Variants in SLC22A4 observed in about 807,000 individuals in gnomAD.
SLC22A4 encodes the protein solute carrier family 22 member 4, also known as ET transporter.
SLC22A4 carries 39 observed loss-of-function variants against 56.6 expected under a neutral mutation model. That is an observed-to-expected ratio of 0.69 (90% CI 0.53 to 0.90). The LOEUF (loss-of-function observed/expected upper bound fraction) is 0.90, where lower values mean the gene tolerates loss of function less well. Ranked by LOEUF, SLC22A4 falls within the 40% of genes least tolerant of loss-of-function variation. The probability of loss-of-function intolerance (pLI) is 0.00; values close to 1 mark genes in which losing one functional copy is unlikely to be tolerated. For missense variants in SLC22A4, 594 were observed against 696.5 expected, an observed-to-expected ratio of 0.85 and a Z score of 1.66; for synonymous variants, 241 against 281.4, an observed-to-expected ratio of 0.86 and a Z score of 1.44.
chr5:132,316,357 G>A (rs1199292952), intron 3 of SLC22A4, among the ~76,000 whole-genome samples: 1 of 152,112 alleles, frequency 6.6e-6, no homozygotes, highest in Non-Finnish European at 1.5e-5. Flanking sequence ...CCGGAATGAT[G>A]CTGGTTTAGG....
At chr5:132,326,296 C>A (rs115117902) in intron 4 of SLC22A4, among the ~76,000 whole-genome samples, 3,302 of 152,278 alleles carry the variant, frequency 0.022, 122 homozygotes, top group African/African-American at 0.076. Flanking sequence ...CATTAGCCTA[C>A]AATTGGGCAA....
chr5:132,328,082 GATAAAGA>G (rs1750732704), intron 5 of SLC22A4, among the ~76,000 whole-genome samples: 2 of 152,276 alleles, frequency 1.3e-5, no homozygotes, highest in African/African-American at 4.8e-5. Context: ...TAGATAAAAA[GATAAAGA>G]ATGGCATAAG....
chr5:132,299,785 T>C (rs1749870573), intron 1 of SLC22A4, among the ~76,000 whole-genome samples: 1 of 152,198 alleles, frequency 6.6e-6, no homozygotes, highest in Non-Finnish European at 1.5e-5. Flanking sequence ...GAAATAACTT[T>C]TGATTTAGAG....
At chr5:132,301,473 G>C (rs1749905640) in intron 1 of SLC22A4, among the ~76,000 whole-genome samples, 1 of 152,188 alleles carries the variant, frequency 6.6e-6, no homozygotes, top group African/African-American at 2.4e-5. Flanking sequence ...ACTGGTAGTG[G>C]AGTTGATGGA....
chr5:132,297,158 A>C (rs1413628869), intron 1 of SLC22A4, among the ~76,000 whole-genome samples: 1 of 152,122 alleles, frequency 6.6e-6, no homozygotes, highest in Admixed American at 6.5e-5. Context: ...TCTCTACTAA[A>C]AATACAAAAA....
In SLC22A4 at chr5:132,337,423, C is replaced by T. The variant is rs369490788; in HGVS notation, c.1444+1423C>T. On this transcript the variant is annotated intron_variant, in intron 8 of 9. Coordinates refer to ENST00000200652, the MANE Select transcript of SLC22A4 (RefSeq NM_003059.3). ...AACTAGCTGGAACTACAGGCATGCA[C>T]ACCGTCAAGCCCAGCTAATTTTTTT... Among the ~76,000 whole-genome samples, 15 of 151,726 alleles carry T rather than the reference C, an allele frequency of 9.9e-5. No individual in the cohort carries two copies. The East Asian group carries it at 1.2e-3, about 12-fold the overall frequency.
chr5:132,324,318 G>A, intron 4 of SLC22A4: 1 of 345,396 alleles, frequency 2.9e-6, no homozygotes, highest in South Asian at 2.2e-5. Flanking sequence ...TTTGCCTCGG[G>A]ACCATATGTC....
At chr5:132,327,552 A>G in intron 5 of SLC22A4, 149 bp downstream of exon 5, 1 of 657,558 alleles carries the variant, frequency 1.5e-6, no homozygotes, top group Non-Finnish European at 2.7e-6. Flanking sequence ...ATTCTAAGAT[A>G]AAATCCACCT....
At chr5:132,309,076 C>A (rs573902858) in intron 1 of SLC22A4, among the ~76,000 whole-genome samples, 22 of 152,316 alleles carry the variant, frequency 1.4e-4, no homozygotes, top group Middle Eastern at 3.4e-3. Flanking sequence ...CTAGCGGAGA[C>A]CCAAGACATA....
Position 132,294,694 on chromosome 5 carries a change from C to A in SLC22A4, c.78C>A (p.Ser26Arg). ...AGCGCCTCATCTTCTTCCTGCTCAG[C>A]GCCAGCATCATCCCCAATGGCTTCA... is the stretch of plus-strand genomic sequence containing the variant. ...PFQRLIFFLL[S>R]ASIIPNGFNG... is the part of the protein sequence containing the mutation. Residue 26 changes from serine to arginine, a missense_variant, in exon 1 of 10, where the codon AGC becomes AGA. Ser to Arg is a moderately radical substitution (Grantham distance 110). Coordinates refer to ENST00000200652, the MANE Select transcript of SLC22A4 (RefSeq NM_003059.3). The surrounding 1 kb of genome is among the most constrained non-coding windows in gnomAD (Gnocchi z 5.6). 3.1e-6 allele frequency: 5 copies of A among 1,614,200 alleles called. No individual in the cohort carries two copies. Among genetic ancestry groups the A allele is most frequent in the Non-Finnish European group, 4.2e-6 (5 of 1,180,046 alleles).
intron 8 of SLC22A4, among the ~76,000 whole-genome samples, chr5:132,338,456 G>C (rs1751092146): frequency 6.6e-6 from 1 of 152,128 alleles, no homozygotes; most frequent in Non-Finnish European, 1.5e-5. Context: ...CAGGAAACAG[G>C]GTTTGAGAGC....
At chr5:132,339,131 C>T (rs190267863) in intron 8 of SLC22A4, among the ~76,000 whole-genome samples, 21 of 152,342 alleles carry the variant, frequency 1.4e-4, no homozygotes, top group African/African-American at 3.8e-4. Flanking sequence ...TCCCTCCTTT[C>T]GGGGTCCCTA....
chr5:132,294,824 C>A lies in SLC22A4; in HGVS notation c.208C>A (p.Arg70=). 1 of 1,611,180 alleles carries A rather than the reference C, an allele frequency of 6.2e-7. No homozygotes were observed. Among genetic ancestry groups the A allele is most frequent in the Non-Finnish European group, 8.5e-7 (1 of 1,179,208 alleles). Residue 70 remains arginine (R), a synonymous_variant, in exon 1 of 10, where the codon CGG becomes AGG. Coordinates refer to ENST00000200652, the MANE Select transcript of SLC22A4 (RefSeq NM_003059.3). This position sits in a 1 kb window ranked among gnomAD's most constrained non-coding sequence, Gnocchi z 5.6. ...SAWRNNSVPL[R]LRDGREVPHS... ...CTGGCGCAACAACAGTGTCCCGCTG[C>A]GGCTGCGGGACGGCCGCGAGGTGCC...
intron 1 of SLC22A4, chr5:132,295,331 C>G (rs777149972): frequency 2.6e-5 from 15 of 575,876 alleles, no homozygotes; most frequent in Non-Finnish European, 4.7e-5. Context: ...CCAGGCTACC[C>G]AGACGCACTG....
intron 6 of SLC22A4, 84 bp downstream of exon 6, chr5:132,331,934 A>C: frequency 6.8e-6 from 6 of 887,244 alleles, no homozygotes; most frequent in East Asian, 2.4e-5. Flanking sequence ...ACATTATGAC[A>C]ACGACTGGGT....
chr5:132,327,190 ATT>A, intron 4 of SLC22A4, 85 bp from the exon 5 acceptor site: 1 of 1,106,228 alleles, frequency 9.0e-7, no homozygotes. Flanking sequence ...ATTTTACAAA[ATT>A]AAAACTATTT....
At chr5:132,332,730 G>GCGCA (rs368914743) in intron 6 of SLC22A4, among the ~76,000 whole-genome samples, 1 of 145,654 alleles carries the variant, frequency 6.9e-6, no homozygotes, top group African/African-American at 2.5e-5. Flanking sequence ...TATGATGGCA[G>GCGCA]CACACACACA....
chr5:132,328,823 T>TTA (rs70974032), intron 5 of SLC22A4, among the ~76,000 whole-genome samples: 179 of 145,494 alleles, frequency 1.2e-3, no homozygotes, highest in African/African-American at 3.5e-3. Context: ...GGCAGTGCCT[T>TTA]TATATATATA....
At chr5:132,318,433 C>A (rs1000468639) in intron 3 of SLC22A4, among the ~76,000 whole-genome samples, 2 of 152,138 alleles carry the variant, frequency 1.3e-5, no homozygotes, top group Non-Finnish European at 2.9e-5. Context: ...CTCCCCGTGC[C>A]AGATGGAGGA....
Sources: allele counts gnomAD v4.1 joint callset (sites outside exome capture counted in the v4.1 genomes callset), GRCh38; gene constraint gnomAD v4.1.1; non-coding constraint Gnocchi (gnomAD v3.1); transcripts MANE v1.5; gene names NCBI Gene and HGNC (gene_info 2026-07-23, HGNC 2026-07-21).